The following GNA15 variants were observed in gnomAD, a reference collection of about 807,000 sequenced individuals.
GNA15 encodes G protein subunit alpha 15.
Under a neutral mutation model 40.1 loss-of-function variants are expected in GNA15, and 23 were observed. The ratio of observed to expected loss-of-function variants is 0.57; its 90% CI spans 0.41 to 0.81. The LOEUF (loss-of-function observed/expected upper bound fraction) is 0.81. Ranked by LOEUF, GNA15 falls within the 40% of genes least tolerant of loss-of-function variation. The pLI is 0.00. For missense variants in GNA15, 522 were observed against 515.8 expected (o/e 1.01, Z -0.12); for synonymous variants, 226 against 210.4 (o/e 1.07, Z -0.64).
intron 1 of GNA15, among the ~76,000 whole-genome samples, chr19:3,143,717 GA>G (rs1199362957): frequency 6.6e-6 from 1 of 152,098 alleles, no homozygotes; most frequent in Non-Finnish European, 1.5e-5. Context: ...AACTGAGTTT[GA>G]ATCCCAGTCT....
rs7343172 is a variant in GNA15 at position 3,144,897 on chromosome 19, C to T, written c.146-3694C>T. On this transcript the variant is annotated intron_variant, in intron 1 of 6. Transcript: ENST00000262958. ...AGGTTGGAGTGCAGTGGCATGATCTCGGCTCACTGCAGCCTCCGCCTCCCA... is the reference window on the plus strand; with the variant it reads ...AGGTTGGAGTGCAGTGGCATGATCTTGGCTCACTGCAGCCTCCGCCTCCCA... 4.9e-3 allele frequency among the ~76,000 whole-genome samples: 735 copies of T among 150,746 alleles called. 5 individuals carry two copies. The highest frequency in any genetic ancestry group is 0.017 in the African/African-American group (691 of 40,978).
intron 6 of GNA15, among the ~76,000 whole-genome samples, chr19:3,161,799 G>A (rs1171909979): frequency 6.6e-6 from 1 of 152,204 alleles, no homozygotes; most frequent in Non-Finnish European, 1.5e-5. Context: ...TTGGGAGGCT[G>A]AGGCGCGCAG....
chr19:3,146,771 AG>A (rs1480762000), intron 1 of GNA15, among the ~76,000 whole-genome samples: 1 of 151,704 alleles, frequency 6.6e-6, no homozygotes, highest in African/African-American at 2.4e-5. Context: ...CAGCCACCAG[AG>A]GGCGCCTGTG....
chr19:3,162,882 A>C lies in GNA15; in HGVS notation c.988A>C (p.Ser330Arg). ...YTGCVDGPEG[S>R]KKGARSRRLF... ...CGGGTGCGTGGACGGCCCCGAGGGCAGCAAGAAGGGCGCACGATCCCGACG... is the reference window on the plus strand; with the variant it reads ...CGGGTGCGTGGACGGCCCCGAGGGCCGCAAGAAGGGCGCACGATCCCGACG... Residue 330 changes from serine (S) to arginine (R), a missense_variant, in exon 7 of 7, where the codon AGC (serine) becomes CGC (arginine). Coordinates refer to ENST00000262958, the MANE Select transcript of GNA15 (RefSeq NM_002068.4). 2 of 1,614,036 alleles carry C rather than the reference A, an allele frequency of 1.2e-6. No homozygotes were observed. The highest frequency in any genetic ancestry group is 1.7e-6 in the Non-Finnish European group (2 of 1,179,904).
chr19:3,145,359 A>ATATATATATATATATATTTTT lies in GNA15; in HGVS notation c.146-3231_146-3230insATATATATATATATATTTTTT. ...TAAATATATATATATATATATATAT[A>ATATATATATATATATATTTTT]TTTTTTTTTTTTTGTAGAGATGGGG... On this transcript the variant is annotated intron_variant, in intron 1 of 6. Coordinates refer to ENST00000262958, the MANE Select transcript of GNA15 (RefSeq NM_002068.4). Among the ~76,000 whole-genome samples, 55 of 46,948 alleles carry ATATATATATATATATATTTTT rather than the reference A, an allele frequency of 1.2e-3. 1 individual carries two copies. The highest frequency in any genetic ancestry group is 1.8e-3 in the Non-Finnish European group (45 of 25,710). The allele number at this position is 46,948 out of a possible 152,430, so 30.8% of individuals were successfully genotyped here.
At chr19:3,156,409 GCA>G (rs1252005191) in intron 5 of GNA15, among the ~76,000 whole-genome samples, 3 of 148,988 alleles carry the variant, frequency 2.0e-5, no homozygotes, top group Admixed American at 1.3e-4. Context: ...GTACACATGC[GCA>G]CACACATGAA....
rs1450967085 is a variant in GNA15, at chr19:3,163,055, C to T, written c.*36C>T. On this transcript the variant is annotated 3_prime_UTR_variant, in exon 7 of 7. Transcript: ENST00000262958. ...ACCTGGGGCAGGCGGCACCGGCGGGCGGGTGGGAGGTGGGAGTGGCTGCAG... is the reference window on the plus strand; with the variant it reads ...ACCTGGGGCAGGCGGCACCGGCGGGTGGGTGGGAGGTGGGAGTGGCTGCAG... 1.4e-6 allele frequency: 2 copies of T among 1,427,940 alleles called. No individual in the cohort carries two copies. The highest frequency in any genetic ancestry group is 2.3e-5 in the East Asian group (1 of 43,888). The allele number at this position is 1,427,940 out of a possible 1,614,324, so 88.5% of individuals were successfully genotyped here.
chr19:3,145,176 A>AC (rs1313985505), intron 1 of GNA15, among the ~76,000 whole-genome samples: 2 of 119,118 alleles, frequency 1.7e-5, no homozygotes, highest in African/African-American at 3.4e-5. Context: ...TTTTTTGGAA[A>AC]CTTTTTTTTT....
intron 1 of GNA15, among the ~76,000 whole-genome samples, chr19:3,144,842 T>C (rs1011384043): frequency 6.7e-6 from 1 of 149,830 alleles, no homozygotes; most frequent in African/African-American, 2.5e-5. Flanking sequence ...ATTTTTATTT[T>C]TTTTGAGACA....
At chr19:3,153,465 A>G (rs1368902793) in intron 4 of GNA15, among the ~76,000 whole-genome samples, 1 of 148,826 alleles carries the variant, frequency 6.7e-6, no homozygotes, top group Non-Finnish European at 1.5e-5. Context: ...AAGAGGGATG[A>G]GTGGATGGAT....
chr19:3,150,073 G>T (rs3815310), intron 2 of GNA15, 58 bp from the exon 3 acceptor site: 107,383 of 1,490,510 alleles, frequency 0.072, 8,663 homozygotes, highest in African/African-American at 0.35. Flanking sequence ...AGAGATGCCT[G>T]CGGAGGGCAG....
chr19:3,142,470 A>T (rs1408446164), intron 1 of GNA15: 2 of 152,138 alleles, frequency 1.3e-5, no homozygotes, highest in Non-Finnish European at 2.9e-5. Context: ...TCAGTGCATC[A>T]CAAAATAAAG....
rs1051446278 is a variant in GNA15 at position 3,136,167 on chromosome 19, G to A, written c.-284G>A. On this transcript the variant is annotated 5_prime_UTR_variant, in exon 1 of 7. Transcript: ENST00000262958. This position sits in a 1 kb window ranked among gnomAD's most constrained non-coding sequence, Gnocchi z 4.9. ...CCCTTCACCGTCAACCTGTCGGGCC[G>A]GGTCTGAGCAGGTCTGGAGGTGGGC... 2.5e-5 allele frequency: 7 copies of A among 275,830 alleles called. No homozygotes were observed. In the South Asian group the frequency reaches 2.9e-4, roughly 11 times the overall value. 17.1% of individuals were successfully genotyped at this position (275,830 alleles called of 1,614,324 possible).
At chr19:3,145,359 A>ATATATATATATATATATTTT in intron 1 of GNA15, among the ~76,000 whole-genome samples, 5 of 46,964 alleles carry the variant, frequency 1.1e-4, no homozygotes, top group Non-Finnish European at 1.6e-4. Flanking sequence ...ATATATATAT[A>ATATATATATATATATATTTT]TTTTTTTTTT....
intron 1 of GNA15, among the ~76,000 whole-genome samples, chr19:3,144,695 A>AT (rs1232188357): frequency 1.8e-4 from 27 of 146,316 alleles, no homozygotes; most frequent in East Asian, 1.2e-3. Context: ...TGCCCGGTTA[A>AT]TTTTTTGTAT....
At chr19:3,161,357 C>G (rs928477471) in intron 6 of GNA15, among the ~76,000 whole-genome samples, 1 of 152,160 alleles carries the variant, frequency 6.6e-6, no homozygotes, top group African/African-American at 2.4e-5. Flanking sequence ...CACTGTTCAC[C>G]TCAATATACA....
rs1252636922 is a variant in GNA15, at chr19:3,157,735, T to G, written c.752T>G (p.Met251Arg). The change falls in exon 6 of 7, where the codon ATG becomes AGG. Residue 251 changes from methionine (M) to arginine (R), a missense_variant. Physicochemically the swap from Met to Arg is moderately conservative, Grantham distance 91. Coordinates refer to ENST00000262958, the MANE Select transcript of GNA15 (RefSeq NM_002068.4). ...CLEENNQENR[M>R]KESLALFGTI... ...CTTCTGCCCCCAACACAGAACCGCA[T>G]GAAGGAGAGCCTCGCATTGTTTGGG... 10 of 1,613,918 alleles carry G rather than the reference T, an allele frequency of 6.2e-6. No homozygotes were observed. The African/African-American group carries it at 1.3e-4, about 22-fold the overall frequency.
At position 3,151,685 on chromosome 19, in the gene GNA15, C is replaced by G; in HGVS notation, c.486-22C>G. 2 of 1,567,756 alleles carry G rather than the reference C, an allele frequency of 1.3e-6. No individual in the cohort carries two copies. The highest frequency in any genetic ancestry group is 1.7e-6 in the Non-Finnish European group (2 of 1,156,898). ...AGGGAGGCTGGCTGCAAGGCTGGGC[C>G]TCAGGACTCCTTGCTCTGCAGCTAC... On this transcript the variant is annotated intron_variant, in intron 3 of 6. Transcript: ENST00000262958. This position sits in a 1 kb window ranked among gnomAD's most constrained non-coding sequence, Gnocchi z 5.0.
chr19:3,161,715 C>T (rs951015903), intron 6 of GNA15, among the ~76,000 whole-genome samples: 6 of 152,144 alleles, frequency 3.9e-5, no homozygotes, highest in African/African-American at 1.4e-4. Flanking sequence ...GTGACTGGTG[C>T]ACTCTTTGCT....
Sources: gnomAD v4.1 joint callset for allele counts (sites outside exome capture counted in the v4.1 genomes callset) on GRCh38, gnomAD v4.1.1 for gene constraint, Gnocchi (gnomAD v3.1) non-coding constraint, MANE v1.5 for transcripts, NCBI Gene and HGNC (gene_info 2026-07-23, HGNC 2026-07-21) for gene names.